XPR1: variants seen among roughly 807,000 people sequenced by gnomAD.
The protein encoded by XPR1 is xenotropic and polytropic retrovirus receptor 1, also known as solute carrier family 53 member 1.
A neutral mutation model predicts 87.5 loss-of-function variants in XPR1; 28 were observed. The ratio of observed to expected loss-of-function variants is 0.32; its 90% CI spans 0.24 to 0.44. XPR1 has a LOEUF of 0.44. XPR1 is among the 20% of genes least tolerant of loss of function. The pLI is 1.00. For missense variants in XPR1, 559 were observed against 862.3 expected (o/e 0.65, Z 4.41); for synonymous variants, 300 against 306.1 (o/e 0.98, Z 0.21).
chr1:180,757,869 TAAAAAAAAAAAAAA>T (rs35162664), intron 2 of XPR1, among the ~76,000 whole-genome samples: 3 of 40,060 alleles, frequency 7.5e-5, no homozygotes, highest in East Asian at 8.9e-4. Context: ...GTTGAAAATG[TAAAAAAAAAAAAAA>T]AAAAAAAAAA....
chr1:180,818,167 A>T (rs1226026910), intron 7 of XPR1, among the ~76,000 whole-genome samples: 3 of 152,216 alleles, frequency 2.0e-5, no homozygotes, highest in Non-Finnish European at 4.4e-5. Context: ...CTGGAGTGAG[A>T]CGAGGCTTCT....
chr1:180,666,708 G>A (rs1024260817), intron 1 of XPR1, among the ~76,000 whole-genome samples: 1 of 152,114 alleles, frequency 6.6e-6, no homozygotes, highest in Non-Finnish European at 1.5e-5. Context: ...TGAATTCATT[G>A]ATTAGTTTTT....
intron 2 of XPR1, among the ~76,000 whole-genome samples, chr1:180,769,438 C>T (rs1383997501): frequency 7.2e-6 from 1 of 138,566 alleles, no homozygotes; most frequent in Non-Finnish European, 1.6e-5. Context: ...CCCTTCCCAG[C>T]CTCTGGTAAC....
chr1:180,687,102 A>G (rs1257467616), intron 2 of XPR1, among the ~76,000 whole-genome samples: 2 of 152,182 alleles, frequency 1.3e-5, no homozygotes, highest in African/African-American at 4.8e-5. Context: ...AAATATAAGA[A>G]AAATGAAATT....
At position 180,863,745 on chromosome 1, in the gene XPR1, G is replaced by A. The variant is rs750004423; in HGVS notation, c.1539G>A (p.Leu513=). The change falls in exon 12 of 15, where the codon CTG becomes CTA. Residue 513 remains leucine, a synonymous_variant. Transcript: ENST00000367590. ...CGGACACTATGGTGTTCTTTTACCT[G>A]TGGATTGTCTTTTATATCATCAGTT... ...GHSDTMVFFY[L]WIVFYIISSC... 3.1e-6 allele frequency: 5 copies of A among 1,605,636 alleles called. No homozygotes were observed. Among genetic ancestry groups the A allele is most frequent in the Non-Finnish European group, 4.2e-6 (5 of 1,176,584 alleles).
At chr1:180,745,556 G>A (rs533350867) in intron 2 of XPR1, among the ~76,000 whole-genome samples, 24 of 152,210 alleles carry the variant, frequency 1.6e-4, no homozygotes, top group Non-Finnish European at 3.4e-4. Flanking sequence ...AGGGTTTCAT[G>A]GGAGTTTGGG....
intron 11 of XPR1, among the ~76,000 whole-genome samples, chr1:180,855,051 A>G (rs754040469): frequency 2.0e-5 from 3 of 152,236 alleles, no homozygotes; most frequent in Non-Finnish European, 4.4e-5. Flanking sequence ...TACTATGTCC[A>G]GCATGGTACA....
At chr1:180,796,183 A>G (rs973707119) in intron 3 of XPR1, among the ~76,000 whole-genome samples, 1 of 152,170 alleles carries the variant, frequency 6.6e-6, no homozygotes, top group Non-Finnish European at 1.5e-5. Context: ...ATACACACAC[A>G]CACACTTTTC....
intron 2 of XPR1, among the ~76,000 whole-genome samples, chr1:180,722,599 T>C (rs181282491): frequency 1.3e-3 from 192 of 152,330 alleles, no homozygotes; most frequent in African/African-American, 4.4e-3. Context: ...CAGTTTTGTT[T>C]TTATCTGATA....
intron 1 of XPR1, among the ~76,000 whole-genome samples, chr1:180,642,486 T>C (rs1487428725): frequency 1.3e-5 from 2 of 152,124 alleles, no homozygotes; most frequent in Non-Finnish European, 2.9e-5. Context: ...TTGAGTGCTC[T>C]AGTGTGCCAG....
chr1:180,784,012 G>A (rs1315706015), intron 2 of XPR1, among the ~76,000 whole-genome samples: 2 of 151,798 alleles, frequency 1.3e-5, no homozygotes, highest in East Asian at 1.9e-4. Flanking sequence ...CCGAGATCAT[G>A]CTGTTGCATT....
intron 2 of XPR1, among the ~76,000 whole-genome samples, chr1:180,696,202 G>GTATATATA (rs1483808394): frequency 4.6e-4 from 49 of 106,316 alleles, no homozygotes; most frequent in South Asian, 1.8e-3. Context: ...GTGTGTGTGT[G>GTATATATA]TGTGTGTATA....
At chr1:180,674,830 T>G (rs1471761653) in intron 1 of XPR1, among the ~76,000 whole-genome samples, 1 of 152,188 alleles carries the variant, frequency 6.6e-6, no homozygotes, top group Admixed American at 6.5e-5. Flanking sequence ...TTACATCACA[T>G]TTGACACAGT....
At position 180,886,484 on chromosome 1, in the gene XPR1, T is replaced by C. The variant is rs1653015304; in HGVS notation, c.*2418T>C. 1 of 152,250 alleles carries C rather than the reference T, an allele frequency of 6.6e-6. No homozygotes were observed. The highest frequency in any genetic ancestry group is 2.4e-5 in the African/African-American group (1 of 41,472). 9.4% of individuals were successfully genotyped at this position (152,250 alleles called of 1,614,324 possible). ...ATGTATCCTATGGCCAGTTTAGTCT[T>C]TCTTCAACTGTTACAGTTCTAGGCC... On this transcript the variant is annotated 3_prime_UTR_variant, in exon 15 of 15. Coordinates refer to ENST00000367590, the MANE Select transcript of XPR1 (RefSeq NM_004736.4).
chr1:180,786,319 T>A (rs921217494), intron 2 of XPR1, among the ~76,000 whole-genome samples: 5 of 152,322 alleles, frequency 3.3e-5, no homozygotes, highest in Admixed American at 6.5e-5. Flanking sequence ...GTGTCTCACA[T>A]ACTACTTTTG....
chr1:180,787,717 G>T, intron 2 of XPR1, 36 bp from the exon 3 acceptor site: 1 of 1,452,084 alleles, frequency 6.9e-7, no homozygotes, highest in South Asian at 1.2e-5. Flanking sequence ...TTGGCCTTTG[G>T]ACATTAAATT....
At chr1:180,760,776 A>G (rs1003834603) in intron 2 of XPR1, among the ~76,000 whole-genome samples, 23 of 152,194 alleles carry the variant, frequency 1.5e-4, no homozygotes, top group Non-Finnish European at 2.9e-5. Flanking sequence ...TTTAAAGTTC[A>G]TATGGAACCA....
intron 13 of XPR1, among the ~76,000 whole-genome samples, chr1:180,876,043 A>C (rs920264133): frequency 1.3e-5 from 2 of 152,190 alleles, no homozygotes; most frequent in African/African-American, 4.8e-5. Context: ...AATACTTTGC[A>C]CAAAGAAAAC....
rs71121048 is a variant in XPR1, at chr1:180,744,654, C to CTTTTTTTTTT, written c.122-43094_122-43085dup. ...GTTCAGGTTTAGGCACAATTTCTTT[C>CTTTTTTTTTT]TTTTTTTTTTTTTTGAGACAGAATC... On this transcript the variant is annotated intron_variant, in intron 2 of 14. Coordinates refer to ENST00000367590, the MANE Select transcript of XPR1 (RefSeq NM_004736.4). Among the ~76,000 whole-genome samples, 182 of 102,386 alleles carry CTTTTTTTTTT rather than the reference C, an allele frequency of 1.8e-3. 17 individuals carry two copies. The highest frequency in any genetic ancestry group is 6.4e-3 in the East Asian group (21 of 3,270). The allele number at this position is 102,386 out of a possible 152,430, so 67.2% of individuals were successfully genotyped here.
Sources: allele counts gnomAD v4.1 joint callset (sites outside exome capture counted in the v4.1 genomes callset), GRCh38; gene constraint gnomAD v4.1.1; transcripts MANE v1.5; gene names NCBI Gene and HGNC (gene_info 2026-07-23, HGNC 2026-07-21).